Variants in MAGI1 observed in about 807,000 individuals in gnomAD.
MAGI1 encodes the protein membrane associated guanylate kinase, WW and PDZ domain containing 1, also known as membrane-associated guanylate kinase, WW and PDZ domain-containing protein 1.
A neutral mutation model predicts 139.9 loss-of-function variants in MAGI1; 58 were observed. The ratio of observed to expected loss-of-function variants is 0.41; its 90% CI spans 0.34 to 0.52. The LOEUF (loss-of-function observed/expected upper bound fraction) is 0.52. Among genes scored for constraint, MAGI1 ranks in the 20% least tolerant of loss-of-function variants. MAGI1 has a pLI of 0.12. For synonymous variants in MAGI1, 812 were observed against 737.9 expected (o/e 1.10, Z -1.63); for missense variants, 1,874 against 1,901.6 (o/e 0.99, Z 0.27).
chr3:65,950,758 G>C (rs1162276522), intron 1 of MAGI1, among the ~76,000 whole-genome samples: 1 of 152,098 alleles, frequency 6.6e-6, no homozygotes, highest in African/African-American at 2.4e-5. Flanking sequence ...AGCTTCCCTT[G>C]AATCAAATGA....
At chr3:65,914,954 T>C (rs970301904) in intron 1 of MAGI1, among the ~76,000 whole-genome samples, 12 of 152,186 alleles carry the variant, frequency 7.9e-5, no homozygotes, top group East Asian at 3.9e-4. Context: ...AGGAATAAAT[T>C]TGTAAAGCTC....
chr3:65,849,926 C>T (rs543971630), intron 1 of MAGI1, among the ~76,000 whole-genome samples: 8 of 152,250 alleles, frequency 5.3e-5, no homozygotes, highest in Admixed American at 2.0e-4. Context: ...CTTTAAACTG[C>T]ACAATTTCTC....
intron 18 of MAGI1, among the ~76,000 whole-genome samples, chr3:65,368,581 A>C (rs1354266764): frequency 2.0e-5 from 3 of 152,216 alleles, no homozygotes; most frequent in Non-Finnish European, 4.4e-5. Flanking sequence ...TACGGAATCC[A>C]CATTGAAAGC....
At chr3:65,446,843 G>T (rs1306877017) in intron 7 of MAGI1, among the ~76,000 whole-genome samples, 2 of 152,028 alleles carry the variant, frequency 1.3e-5, no homozygotes, top group Non-Finnish European at 2.9e-5. Flanking sequence ...TTTAAAAATA[G>T]ATCCATCAAT....
At chr3:65,954,137 C>T (rs2063997938) in intron 1 of MAGI1, among the ~76,000 whole-genome samples, 1 of 152,110 alleles carries the variant, frequency 6.6e-6, no homozygotes, top group Non-Finnish European at 1.5e-5. Context: ...AAAGTCAGGC[C>T]TATTAGGCCT....
intron 1 of MAGI1, among the ~76,000 whole-genome samples, chr3:65,870,730 A>G (rs1348812813): frequency 1.3e-5 from 2 of 151,150 alleles, no homozygotes; most frequent in East Asian, 3.9e-4. Flanking sequence ...AAAAAAAAAA[A>G]GAAAGAATGA....
intron 3 of MAGI1, among the ~76,000 whole-genome samples, chr3:65,482,161 C>G (rs1371127962): frequency 6.6e-6 from 1 of 152,120 alleles, no homozygotes; most frequent in African/African-American, 2.4e-5. Flanking sequence ...GTTGAAAGCC[C>G]ACTACTAACT....
intron 1 of MAGI1, among the ~76,000 whole-genome samples, chr3:66,021,157 T>C (rs2067938397): frequency 6.6e-6 from 1 of 152,184 alleles, no homozygotes; most frequent in East Asian, 1.9e-4. Flanking sequence ...CAGATAGATT[T>C]AAACTGTGTG....
chr3:65,461,437 G>C (rs1042433829), intron 5 of MAGI1, among the ~76,000 whole-genome samples: 3 of 147,326 alleles, frequency 2.0e-5, no homozygotes, highest in African/African-American at 7.5e-5. Flanking sequence ...GGATGGTCTC[G>C]ATCTCCTGAC....
At chr3:65,980,408 C>G (rs1433850823) in intron 1 of MAGI1, among the ~76,000 whole-genome samples, 1 of 151,898 alleles carries the variant, frequency 6.6e-6, no homozygotes, top group East Asian at 1.9e-4. Flanking sequence ...ACTACAAATA[C>G]AAAAATTAGC....
At chr3:65,432,862 G>C (rs1480707348) in intron 10 of MAGI1, among the ~76,000 whole-genome samples, 1 of 152,110 alleles carries the variant, frequency 6.6e-6, no homozygotes, top group Non-Finnish European at 1.5e-5. Context: ...GTTATGCAGA[G>C]ACATCAACAG....
intron 1 of MAGI1, among the ~76,000 whole-genome samples, chr3:65,790,269 A>C (rs1224406448): frequency 2.0e-5 from 3 of 152,214 alleles, no homozygotes; most frequent in Admixed American, 1.3e-4. Context: ...AAAATAAAAG[A>C]TAAAACGATT....
chr3:65,638,645 T>C (rs2084793655), intron 1 of MAGI1, among the ~76,000 whole-genome samples: 1 of 133,428 alleles, frequency 7.5e-6, no homozygotes, highest in South Asian at 2.6e-4. Flanking sequence ...AGTCTCGCTC[T>C]TTCACCCAGG....
At chr3:65,883,262 A>C (rs995031866) in intron 1 of MAGI1, among the ~76,000 whole-genome samples, 1 of 152,226 alleles carries the variant, frequency 6.6e-6, no homozygotes, top group Non-Finnish European at 1.5e-5. Flanking sequence ...CACAACAGTT[A>C]TTGAAGTTGG....
At chr3:65,862,709 T>A (rs568218163) in intron 1 of MAGI1, among the ~76,000 whole-genome samples, 1 of 152,218 alleles carries the variant, frequency 6.6e-6, no homozygotes, top group Non-Finnish European at 1.5e-5. Flanking sequence ...CAAGTGTGCA[T>A]AGTGGCATGG....
At chr3:65,911,007 G>A (rs901086868) in intron 1 of MAGI1, among the ~76,000 whole-genome samples, 13 of 151,434 alleles carry the variant, frequency 8.6e-5, no homozygotes, top group African/African-American at 2.2e-4. Context: ...ACAGGTGCAC[G>A]CCAGCACACC....
At chr3:65,387,346 C>A in intron 14 of MAGI1, 1 of 660,788 alleles carries the variant, frequency 1.5e-6, no homozygotes, top group Admixed American at 3.0e-5. Flanking sequence ...AAGGTCATGG[C>A]TGTTATGTTA....
chr3:65,674,155 A>G (rs951740522), intron 1 of MAGI1, among the ~76,000 whole-genome samples: 1 of 152,242 alleles, frequency 6.6e-6, no homozygotes, highest in Admixed American at 6.5e-5. Flanking sequence ...AGATGACATT[A>G]AAGATATAAG....
At chr3:65,387,622 A>G (rs1467905330) in intron 14 of MAGI1, among the ~76,000 whole-genome samples, 1 of 152,224 alleles carries the variant, frequency 6.6e-6, no homozygotes, top group African/African-American at 2.4e-5. Flanking sequence ...TCAAAAGTGT[A>G]TCAAGTCCAG....
Sources: allele counts gnomAD v4.1 joint callset (sites outside exome capture counted in the v4.1 genomes callset), GRCh38; gene constraint gnomAD v4.1.1; transcripts MANE v1.5; gene names NCBI Gene and HGNC (gene_info 2026-07-23, HGNC 2026-07-21).